Variants in GABRG1 observed in about 807,000 individuals in gnomAD.
The protein encoded by GABRG1 is gamma-aminobutyric acid receptor subunit gamma-1.
A neutral mutation model predicts 49.8 loss-of-function variants in GABRG1; 49 were observed. The observed-to-expected ratio is 0.98, with a 90% CI of 0.78 to 1.25. The LOEUF (loss-of-function observed/expected upper bound fraction) is 1.25. Ranked by LOEUF, GABRG1 falls within the 50% of genes most tolerant of loss-of-function variation. GABRG1 has a pLI of 0.00. For synonymous variants in GABRG1, 232 were observed against 185.1 expected (o/e 1.25, Z -2.06); for missense variants, 552 against 552.3 (o/e 1.00, Z 0.01).
At chr4:46,113,619 A>T (rs1720787913) in intron 1 of GABRG1, among the ~76,000 whole-genome samples, 1 of 151,222 alleles carries the variant, frequency 6.6e-6, no homozygotes, top group Admixed American at 6.6e-5. Flanking sequence ...ATATTTGCCC[A>T]TTTGGACAAA....
chr4:46,066,016 A>G (rs1718907647), intron 3 of GABRG1, among the ~76,000 whole-genome samples: 1 of 152,102 alleles, frequency 6.6e-6, no homozygotes. Flanking sequence ...GCCACCGCAC[A>G]CGGCCTAAAC....
chr4:46,041,332 C>A, intron 8 of GABRG1, 78 bp from the exon 9 acceptor site: 1 of 1,247,384 alleles, frequency 8.0e-7, no homozygotes, highest in Non-Finnish European at 1.1e-6. Flanking sequence ...TTAACGCAAA[C>A]TCTAGGAGAC....
intron 1 of GABRG1, among the ~76,000 whole-genome samples, chr4:46,100,220 TAG>T (rs1720333784): frequency 6.6e-6 from 1 of 151,632 alleles, no homozygotes; most frequent in Admixed American, 6.6e-5. Flanking sequence ...GCTGAGGAAT[TAG>T]AAATACTGAG....
intron 5 of GABRG1, among the ~76,000 whole-genome samples, chr4:46,063,368 A>G (rs1237036200): frequency 6.6e-6 from 1 of 152,084 alleles, no homozygotes; most frequent in East Asian, 1.9e-4. Flanking sequence ...AACGCCACAT[A>G]TCTACAACTA....
In GABRG1 at chr4:46,058,582, CT is replaced by C; in HGVS notation, c.665del (p.Lys222SerfsTer4). On this transcript the variant is annotated frameshift_variant, in exon 6 of 9. Transcript: ENST00000295452. LOFTEE classifies it high-confidence loss of function. ...PKNEIEYKWK[K>X]PSVEVADPKY... ...TAGGATCAGCCACTTCTACGGAGGG[CT>C]TTTTCCACTTATACTCAATTTCATT... 1 of 1,612,734 alleles carries C rather than the reference CT, an allele frequency of 6.2e-7. No homozygotes were observed.
At chr4:46,096,403 C>T (rs554197896) in intron 2 of GABRG1, among the ~76,000 whole-genome samples, 1 of 151,520 alleles carries the variant, frequency 6.6e-6, no homozygotes, top group African/African-American at 2.4e-5. Flanking sequence ...CAGGAAGCTT[C>T]CAAAATACTA....
intron 3 of GABRG1, among the ~76,000 whole-genome samples, chr4:46,075,017 A>G (rs902213645): frequency 1.3e-5 from 2 of 151,904 alleles, no homozygotes; most frequent in African/African-American, 4.8e-5. Context: ...TAATTATTAT[A>G]TTTCCCAGCT....
rs953404800 is a variant in GABRG1 at position 46,045,607 on chromosome 4, AG to A, written c.1132-4354del. Among the ~76,000 whole-genome samples, 15 of 110,472 alleles carry A rather than the reference AG, an allele frequency of 1.4e-4. No homozygotes were observed. In the East Asian group the frequency reaches 2.0e-3, roughly 15 times the overall value. The allele number at this position is 110,472 out of a possible 152,430, so 72.5% of individuals were successfully genotyped here. ...AGATGATGGAAAGTTTCTTAAGAAA[AG>A]AAAAAAAGTTTTATCTGCAAAGAAT... On this transcript the variant is annotated intron_variant, in intron 8 of 8. Transcript: ENST00000295452.
chr4:46,053,988 G>T lies in GABRG1; in HGVS notation c.917-2350C>A, dbSNP rs552623431. ...CAAGATCCTACAATAGTCTCCCATC[G>T]TTTAAATCTTTAATCCATCTTGAAT... On this transcript the variant is annotated intron_variant, in intron 7 of 8. Transcript: ENST00000295452. 2.4e-4 allele frequency among the ~76,000 whole-genome samples: 9 copies of T among 38,156 alleles called. 3 individuals carry two copies. The highest frequency in any genetic ancestry group is 2.3e-3 in the South Asian group (5 of 2,220). 25.0% of individuals were successfully genotyped at this position (38,156 alleles called of 152,430 possible). A position where few individuals can be genotyped will look rare whatever the true frequency, so the allele number is the denominator to read the frequency against.
chr4:46,076,724 A>G (rs547639579), intron 3 of GABRG1, among the ~76,000 whole-genome samples: 2 of 151,808 alleles, frequency 1.3e-5, no homozygotes, highest in African/African-American at 4.8e-5. Context: ...ACAACATTCT[A>G]TGATTACTAA....
Position 46,041,181 on chromosome 4 carries a change from T to C in GABRG1, c.1205A>G (p.Tyr402Cys), listed in dbSNP as rs1717764931. The stretch of plus-strand genomic sequence containing the variant: ...TTTGCCCTCCAAACACTGATACCCA[T>C]AATCATCTTCTTGCGGCACAGAAAT... ...NNISVPQEDD[Y>C]GYQCLEGKDC... The change falls in exon 9 of 9, where the codon TAT becomes TGT. Residue 402 changes from tyrosine (Y) to cysteine (C), a missense_variant. Physicochemically the swap from Tyr to Cys is radical, Grantham distance 194. Transcript: ENST00000295452. 2 of 1,612,972 alleles carry C rather than the reference T, an allele frequency of 1.2e-6. No homozygotes were observed. Among genetic ancestry groups the C allele is most frequent in the Non-Finnish European group, 1.7e-6 (2 of 1,179,296 alleles).
At chr4:46,082,016 C>T (rs71611961) in intron 3 of GABRG1, among the ~76,000 whole-genome samples, 2,654 of 151,812 alleles carry the variant, frequency 0.017, 40 homozygotes, top group Admixed American at 0.042. Context: ...TGTGGCAACC[C>T]TAGTGAACAA....
intron 1 of GABRG1, among the ~76,000 whole-genome samples, chr4:46,102,241 G>C (rs191173757): frequency 3.3e-5 from 5 of 151,614 alleles, no homozygotes; most frequent in African/African-American, 1.2e-4. Context: ...ATAGCTGCCT[G>C]CCAGTACTAA....
chr4:46,106,446 G>A (rs565548153), intron 1 of GABRG1, among the ~76,000 whole-genome samples: 53 of 151,552 alleles, frequency 3.5e-4, no homozygotes, highest in South Asian at 1.0e-3. Flanking sequence ...TACAACAAAA[G>A]ACTTTGACAA....
intron 3 of GABRG1, among the ~76,000 whole-genome samples, chr4:46,066,143 G>C (rs1030176556): frequency 9.9e-5 from 15 of 151,988 alleles, no homozygotes; most frequent in Non-Finnish European, 2.1e-4. Context: ...TCAAGATTTT[G>C]TAGTATGTAG....
chr4:46,036,967 C>T lies in GABRG1; in HGVS notation c.*4021G>A, dbSNP rs183805148. The stretch of plus-strand genomic sequence containing the variant: ...AATTAATATGGAATTTTCATTTGTG[C>T]CCAGGCTTCTGTTTCTTTTTTCAAG... On this transcript the variant is annotated 3_prime_UTR_variant, in exon 9 of 9. Coordinates refer to ENST00000295452, the MANE Select transcript of GABRG1 (RefSeq NM_173536.4). 3.3e-5 allele frequency: 5 copies of T among 151,856 alleles called. No individual in the cohort carries two copies. In the Admixed American group the frequency reaches 3.3e-4, roughly 10 times the overall value. The allele number at this position is 151,856 out of a possible 1,614,324, so 9.4% of individuals were successfully genotyped here.
intron 1 of GABRG1, among the ~76,000 whole-genome samples, chr4:46,119,358 C>A (rs939887313): frequency 6.6e-6 from 1 of 151,288 alleles, no homozygotes; most frequent in Non-Finnish European, 1.5e-5. Context: ...CATTCATAAT[C>A]TGAGAGATGT....
chr4:46,100,378 C>G (rs1039250777), intron 1 of GABRG1, among the ~76,000 whole-genome samples: 5 of 151,368 alleles, frequency 3.3e-5, no homozygotes, highest in Non-Finnish European at 7.4e-5. Context: ...GGAGACTAGG[C>G]TTAATACCTG....
At chr4:46,047,687 ATATCT>A (rs1430779675) in intron 8 of GABRG1, among the ~76,000 whole-genome samples, 1 of 151,912 alleles carries the variant, frequency 6.6e-6, no homozygotes, top group East Asian at 1.9e-4. Flanking sequence ...AAATAATAAA[ATATCT>A]TATGTATATT....
Sources: allele counts gnomAD v4.1 joint callset (sites outside exome capture counted in the v4.1 genomes callset), GRCh38; gene constraint gnomAD v4.1.1; transcripts MANE v1.5; gene names NCBI Gene and HGNC (gene_info 2026-07-23, HGNC 2026-07-21).